GPHN: variants seen among roughly 807,000 people sequenced by gnomAD.
GPHN encodes gephyrin.
GPHN carries 17 observed loss-of-function variants against 95.5 expected under a neutral mutation model. The observed-to-expected ratio is 0.18, with a 90% CI of 0.12 to 0.27. The LOEUF (loss-of-function observed/expected upper bound fraction) is 0.27, where lower values mean the gene tolerates loss of function less well. Ranked by LOEUF, GPHN falls within the 10% of genes least tolerant of loss-of-function variation. GPHN has a pLI of 1.00. For synonymous variants in GPHN, 320 were observed against 322.5 expected, an observed-to-expected ratio of 0.99 and a Z score of 0.08; for missense variants, 660 against 978.1, an observed-to-expected ratio of 0.67 and a Z score of 4.34.
intron 3 of GPHN, among the ~76,000 whole-genome samples, chr14:66,808,668 G>C (rs1205667330): frequency 6.6e-6 from 1 of 152,202 alleles, no homozygotes; most frequent in Non-Finnish European, 1.5e-5. Context: ...GTGGTGGCCT[G>C]TGCCTGTAAT....
intron 9 of GPHN, among the ~76,000 whole-genome samples, chr14:67,017,829 A>G (rs1242590206): frequency 6.6e-6 from 1 of 152,158 alleles, no homozygotes; most frequent in Non-Finnish European, 1.5e-5. Context: ...TGTCAATACT[A>G]TCAGACCCAA....
At chr14:66,894,765 C>G (rs2064740558) in intron 5 of GPHN, among the ~76,000 whole-genome samples, 2 of 151,390 alleles carry the variant, frequency 1.3e-5, no homozygotes, top group Non-Finnish European at 2.9e-5. Flanking sequence ...AAATGCTCGT[C>G]ATCACTGGCC....
At chr14:66,777,452 A>T (rs1304333561) in intron 3 of GPHN, among the ~76,000 whole-genome samples, 1 of 152,228 alleles carries the variant, frequency 6.6e-6, no homozygotes, top group Non-Finnish European at 1.5e-5. Flanking sequence ...AAAGAGAGGG[A>T]ATCCTCCCTA....
At chr14:67,131,274 C>T (rs1414084671) in intron 17 of GPHN, among the ~76,000 whole-genome samples, 1 of 151,408 alleles carries the variant, frequency 6.6e-6, no homozygotes, top group Admixed American at 6.6e-5. Flanking sequence ...ATGGCTTAAA[C>T]AGGGTGGAAA....
the GPHN span, chr14:67,302,605 C>G: frequency 1.4e-6 from 2 of 1,398,268 alleles, no homozygotes; most frequent in Non-Finnish European, 1.9e-6. Context: ...TAATTGATAG[C>G]TTTTAGAAAG....
chr14:66,886,940 C>T (rs1351147860), intron 5 of GPHN, among the ~76,000 whole-genome samples: 1 of 152,176 alleles, frequency 6.6e-6, no homozygotes, highest in Non-Finnish European at 1.5e-5. Context: ...TTCAGGGAAA[C>T]TCAGTCGCTA....
At chr14:67,316,857 A>T in the GPHN span, 1 of 1,612,566 alleles carries the variant, frequency 6.2e-7, no homozygotes, top group Non-Finnish European at 8.5e-7. Context: ...AGCAAAGGGA[A>T]GCCATGAAAC....
the GPHN span, chr14:67,587,372 T>C: frequency 2.0e-6 from 2 of 997,680 alleles, no homozygotes; most frequent in East Asian, 2.5e-5. Context: ...TTTTAGTCTC[T>C]GTGAAGCCTT....
intron 1 of GPHN, among the ~76,000 whole-genome samples, chr14:66,664,129 C>G (rs1415486270): frequency 6.6e-6 from 1 of 152,086 alleles, no homozygotes; most frequent in Non-Finnish European, 1.5e-5. Flanking sequence ...TTAAATGGAC[C>G]TGATATATAT....
intron 9 of GPHN, among the ~76,000 whole-genome samples, chr14:67,007,578 A>G (rs1390415962): frequency 6.6e-6 from 1 of 152,216 alleles, no homozygotes; most frequent in Non-Finnish European, 1.5e-5. Context: ...TTCAACTTCA[A>G]CTGCTACCAT....
At chr14:67,537,376 TA>T in the GPHN span, among the ~76,000 whole-genome samples, 1 of 129,958 alleles carries the variant, frequency 7.7e-6, no homozygotes, top group East Asian at 2.3e-4. Context: ...ATAATAATAA[TA>T]ATAAAAACTT....
At chr14:66,575,670 T>C (rs1211681763) in intron 1 of GPHN, among the ~76,000 whole-genome samples, 1 of 152,216 alleles carries the variant, frequency 6.6e-6, no homozygotes, top group Non-Finnish European at 1.5e-5. Context: ...TTATGTCTGC[T>C]GGAGCAGGCC....
At chr14:67,318,596 A>G in the GPHN span, among the ~76,000 whole-genome samples, 1 of 152,030 alleles carries the variant, frequency 6.6e-6, no homozygotes, top group East Asian at 1.9e-4. Flanking sequence ...TTTCAGAGAA[A>G]ATCATTTTGA....
chr14:66,584,929 T>C (rs2061357608), intron 1 of GPHN, among the ~76,000 whole-genome samples: 1 of 152,180 alleles, frequency 6.6e-6, no homozygotes, highest in Non-Finnish European at 1.5e-5. Flanking sequence ...GATTCCCTCT[T>C]TTTCTATTGA....
intron 5 of GPHN, among the ~76,000 whole-genome samples, chr14:66,892,413 A>T (rs1402347422): frequency 6.6e-6 from 1 of 152,134 alleles, no homozygotes; most frequent in East Asian, 1.9e-4. Context: ...ACAGAGTGAG[A>T]CTGTCTCTTA....
At chr14:66,830,813 A>C (rs1181691687) in intron 4 of GPHN, among the ~76,000 whole-genome samples, 1 of 152,006 alleles carries the variant, frequency 6.6e-6, no homozygotes, top group East Asian at 1.9e-4. Flanking sequence ...CTTTTCTACA[A>C]ATTTTTTTCA....
the GPHN span, among the ~76,000 whole-genome samples, chr14:67,431,504 C>T: frequency 6.7e-6 from 1 of 149,002 alleles, no homozygotes; most frequent in South Asian, 2.1e-4. Flanking sequence ...GCCTGGGCAA[C>T]ATTATGAGAC....
the GPHN span, among the ~76,000 whole-genome samples, chr14:67,688,013 T>C: frequency 2.0e-5 from 3 of 152,064 alleles, no homozygotes; most frequent in African/African-American, 4.8e-5. Context: ...CCTCAGGTGA[T>C]CCACCAGCCT....
chr14:67,231,294 T>A, the GPHN span, among the ~76,000 whole-genome samples: 1 of 152,116 alleles, frequency 6.6e-6, no homozygotes, highest in Non-Finnish European at 1.5e-5. Context: ...TGCAAAGTAG[T>A]TTGAGGAAAC....
Sources: gnomAD v4.1 joint callset for allele counts (sites outside exome capture counted in the v4.1 genomes callset) on GRCh38, gnomAD v4.1.1 for gene constraint, MANE v1.5 for transcripts, NCBI Gene and HGNC (gene_info 2026-07-23, HGNC 2026-07-21) for gene names.